The following KALRN variants were observed in gnomAD, a reference collection of about 807,000 sequenced individuals.
KALRN encodes kalirin.
A neutral mutation model predicts 353.7 loss-of-function variants in KALRN; 70 were observed. The ratio of observed to expected loss-of-function variants is 0.20; its 90% CI spans 0.16 to 0.24. KALRN has a LOEUF of 0.24. Ranked by LOEUF, KALRN falls within the 10% of genes least tolerant of loss-of-function variation. The probability of loss-of-function intolerance (pLI) is 1.00; values close to 1 mark genes in which losing one functional copy is unlikely to be tolerated. For synonymous variants in KALRN, 1,391 were observed against 1,434.8 expected, an observed-to-expected ratio of 0.97 and a Z score of 0.69; for missense variants, 2,791 against 3,756.7, an observed-to-expected ratio of 0.74 and a Z score of 6.72.
intron 14 of KALRN, among the ~76,000 whole-genome samples, chr3:124,421,770 G>T (rs1349718025): frequency 6.6e-6 from 1 of 152,148 alleles, no homozygotes; most frequent in East Asian, 1.9e-4. Context: ...ATTTGATGAA[G>T]GCTACCTTGG....
intron 1 of KALRN, among the ~76,000 whole-genome samples, chr3:124,157,622 GATC>G (rs1418065188): frequency 1.3e-5 from 2 of 152,140 alleles, no homozygotes; most frequent in Non-Finnish European, 2.9e-5. Context: ...AGTACAAATA[GATC>G]ATTTGTTTGC....
At chr3:124,626,845 T>C (rs1279859866) in intron 34 of KALRN, among the ~76,000 whole-genome samples, 1 of 152,216 alleles carries the variant, frequency 6.6e-6, no homozygotes, top group African/African-American at 2.4e-5. Context: ...TAAATACATG[T>C]GTGGTGGAGT....
chr3:124,576,484 G>A (rs903238716), intron 34 of KALRN, among the ~76,000 whole-genome samples: 1 of 152,140 alleles, frequency 6.6e-6, no homozygotes, highest in African/African-American at 2.4e-5. Context: ...CTTCAGGATG[G>A]GAATGGGGAA....
chr3:124,073,554 G>A (rs904438396), intron 1 of KALRN, among the ~76,000 whole-genome samples: 1 of 152,114 alleles, frequency 6.6e-6, no homozygotes, highest in Non-Finnish European at 1.5e-5. Flanking sequence ...CCTTTTAAAA[G>A]CTGCATTTAG....
At chr3:124,351,428 CTGA>C (rs2082823500) in intron 10 of KALRN, among the ~76,000 whole-genome samples, 1 of 152,170 alleles carries the variant, frequency 6.6e-6, no homozygotes, top group South Asian at 2.1e-4. Flanking sequence ...TTACCTGAGG[CTGA>C]TAATGAGAAA....
In KALRN at chr3:124,243,407, G is replaced by A. The variant is rs77506708; in HGVS notation, c.263+8464G>A. 9.2e-5 allele frequency among the ~76,000 whole-genome samples: 14 copies of A among 152,266 alleles called. No homozygotes were observed. In the East Asian group the frequency reaches 2.5e-3, roughly 27 times the overall value. On this transcript the variant is annotated intron_variant, in intron 3 of 59. Coordinates refer to ENST00000682506, the MANE Select transcript of KALRN (RefSeq NM_001388419.1). ...AACAATAACTGGAGCAATCAGAGGC[G>A]GAAACCACTTGGTCATGAAGTAACT...
intron 8 of KALRN, among the ~76,000 whole-genome samples, chr3:124,330,286 A>ACACACC (rs1005282030): frequency 2.0e-3 from 267 of 132,500 alleles, no homozygotes; most frequent in Middle Eastern, 4.0e-3. Flanking sequence ...ACACACACAC[A>ACACACC]CCCCATACAC....
At position 124,694,398 on chromosome 3, in the gene KALRN, A is replaced by G; in HGVS notation, c.7472A>G (p.Gln2491Arg). The G allele has an allele frequency of 6.2e-7, 1 of 1,614,248 alleles. No homozygotes were observed. Among genetic ancestry groups the G allele is most frequent in the Non-Finnish European group, 8.5e-7 (1 of 1,180,024 alleles). The change falls in exon 53 of 60, where the codon CAG (glutamine) becomes CGG (arginine). Residue 2491 changes from glutamine to arginine, a missense_variant. By Grantham distance (43) the Gln-to-Arg change is conservative (BLOSUM62 1). Transcript: ENST00000682506. ...TCLLGDTVIL[Q>R]CKVCGRPKPT... ...TTGCTTGGGGACACAGTGATACTGC[A>G]GTGCAAAGTCTGTGGGCGGCCAAAG... is the stretch of plus-strand genomic sequence containing the variant.
At chr3:124,427,595 C>T (rs1032091817) in intron 15 of KALRN, among the ~76,000 whole-genome samples, 17 of 152,234 alleles carry the variant, frequency 1.1e-4, no homozygotes, top group Admixed American at 6.5e-5. Context: ...ATCCATTCTC[C>T]TGACTTGGGC....
chr3:124,577,472 AAGG>A (rs893113722), intron 34 of KALRN, among the ~76,000 whole-genome samples: 2 of 152,142 alleles, frequency 1.3e-5, no homozygotes, highest in Non-Finnish European at 2.9e-5. Context: ...CAGAGATAAG[AAGG>A]AGAAGAGATT....
At chr3:124,251,927 T>TTTTTG (rs1412463155) in intron 3 of KALRN, among the ~76,000 whole-genome samples, 2 of 152,220 alleles carry the variant, frequency 1.3e-5, no homozygotes, top group African/African-American at 2.4e-5. Context: ...GGTCTTTTTG[T>TTTTTG]TTTTGTTTTG....
At position 124,724,580 on chromosome 3, in the gene KALRN, T is replaced by C. The variant is rs930198062; in HGVS notation, c.*5110T>C. ...GAAAAGGAAAGCTACTATGTTAATA[T>C]TTATTTTCTAAAAATATTAAGGCTC... is the stretch of plus-strand genomic sequence containing the variant. On this transcript the variant is annotated 3_prime_UTR_variant, in exon 60 of 60. Transcript: ENST00000682506. 4.6e-5 allele frequency: 7 copies of C among 151,984 alleles called. No individual in the cohort carries two copies. Among genetic ancestry groups the C allele is most frequent in the Non-Finnish European group, 1.0e-4 (7 of 68,022 alleles). 9.4% of individuals were successfully genotyped at this position (151,984 alleles called of 1,614,324 possible). A position where few individuals can be genotyped will look rare whatever the true frequency, so the allele number is the denominator to read the frequency against.
At chr3:124,316,948 C>G (rs977788190) in intron 6 of KALRN, among the ~76,000 whole-genome samples, 4 of 152,154 alleles carry the variant, frequency 2.6e-5, no homozygotes, top group Non-Finnish European at 4.4e-5. Flanking sequence ...AACTTTCTTG[C>G]GGTTCTATGG....
chr3:124,675,569 G>A (rs1318472152), intron 49 of KALRN: 1 of 123,856 alleles, frequency 8.1e-6, no homozygotes, highest in East Asian at 2.4e-4. Context: ...TTGGGTGAAT[G>A]CATTGGCATT....
At position 124,697,602 on chromosome 3, in the gene KALRN, C is replaced by A; in HGVS notation, c.7709C>A (p.Ala2570Glu). The A allele has an allele frequency of 6.2e-7, 1 of 1,602,504 alleles. No individual in the cohort carries two copies. Among genetic ancestry groups the A allele is most frequent in the Admixed American group, 1.8e-5 (1 of 56,746 alleles). Residue 2570 changes from alanine (A) to glutamate (E), a missense_variant, in exon 55 of 60, where the codon GCA (alanine) becomes GAA (glutamate). By Grantham distance (107) the Ala-to-Glu change is moderately radical. Transcript: ENST00000682506. The part of the protein sequence containing the change: ...SATVKVQGVP[A>E]APNRPIAQER... ...ATTTCTGTCTCCATAGGTGTTCCAG[C>A]AGCCCCTAACCGCCCCATTGCCCAG...
chr3:124,699,891 A>G lies in KALRN; in HGVS notation c.7854A>G (p.Ser2618=). The G allele has an allele frequency of 6.2e-7, 1 of 1,614,216 alleles. No homozygotes were observed. Among genetic ancestry groups the G allele is most frequent in the East Asian group, 2.2e-5 (1 of 44,880 alleles). ...REEGSQIWQQ[S]VASTLDTYLV... ...TAGGTTCTCAGATCTGGCAGCAGTC[A>G]GTGGCTTCGACCTTGGACACTTACC... Residue 2618 remains serine, a synonymous_variant, in exon 56 of 60, where the codon TCA becomes TCG. Coordinates refer to ENST00000682506, the MANE Select transcript of KALRN (RefSeq NM_001388419.1).
At chr3:124,343,881 G>T (rs1214367486) in intron 9 of KALRN, among the ~76,000 whole-genome samples, 2 of 152,182 alleles carry the variant, frequency 1.3e-5, no homozygotes, top group African/African-American at 4.8e-5. Context: ...CTCCAGAGCT[G>T]CTCTAGTGCC....
intron 15 of KALRN, among the ~76,000 whole-genome samples, chr3:124,425,157 G>C (rs1187478046): frequency 3.3e-5 from 5 of 152,098 alleles, no homozygotes; most frequent in African/African-American, 1.2e-4. Context: ...AAGAGAGGTT[G>C]GTTAATGGGG....
intron 26 of KALRN, among the ~76,000 whole-genome samples, 173 bp from the exon 27 acceptor site, chr3:124,477,072 A>G (rs989419286): frequency 1.3e-5 from 2 of 152,196 alleles, no homozygotes; most frequent in African/African-American, 2.4e-5. Flanking sequence ...AGACATCCCA[A>G]TGTCCGTTAG....
Sources: allele counts gnomAD v4.1 joint callset (sites outside exome capture counted in the v4.1 genomes callset), GRCh38; gene constraint gnomAD v4.1.1; transcripts MANE v1.5; gene names NCBI Gene and HGNC (gene_info 2026-07-23, HGNC 2026-07-21).